The following FIGNL2 variants were observed in gnomAD, a reference collection of about 807,000 sequenced individuals.
The protein encoded by FIGNL2 is fidgetin like 2, also known as fidgetin-like protein 2.
For synonymous variants in FIGNL2, 565 were observed against 484.0 expected, an observed-to-expected ratio of 1.17 and a Z score of -2.20; for missense variants, 1,060 against 950.2, an observed-to-expected ratio of 1.12 and a Z score of -1.52.
chr12:51,836,169 C>T (rs1939575416), intron 1 of FIGNL2, among the ~76,000 whole-genome samples: 1 of 152,146 alleles, frequency 6.6e-6, no homozygotes, highest in Non-Finnish European at 1.5e-5. Context: ...GGAGCTTTCC[C>T]TAGAACCAGG....
In FIGNL2 at chr12:51,838,473, G is replaced by A. The variant is rs139623322; in HGVS notation, c.-12+10067C>T. Among the ~76,000 whole-genome samples, 837 of 152,280 alleles carry A rather than the reference G, an allele frequency of 5.5e-3. 29 individuals are homozygous for A. The highest frequency in any genetic ancestry group is 0.051 in the Admixed American group (783 of 15,294). ...AGGGCAACCTGAAAGACTGACCCAC[G>A]GCTTGCAGGGGTCTCTGAGCCCACT... On this transcript the variant is annotated intron_variant, in intron 1 of 1. Coordinates refer to ENST00000618634, the MANE Select transcript of FIGNL2 (RefSeq NM_001384995.1).
intron 1 of FIGNL2, among the ~76,000 whole-genome samples, chr12:51,826,431 C>G (rs1939344067): frequency 6.6e-6 from 1 of 151,160 alleles, no homozygotes; most frequent in South Asian, 2.1e-4. Flanking sequence ...GAGTTCAAGG[C>G]CAGCCTAGCC....
intron 1 of FIGNL2, among the ~76,000 whole-genome samples, chr12:51,839,120 C>T (rs759287244): frequency 2.7e-5 from 4 of 150,634 alleles, no homozygotes; most frequent in Non-Finnish European, 5.9e-5. Context: ...CATACTCCTG[C>T]TTCAAGTCCC....
rs191605867 is a variant in FIGNL2, at chr12:51,829,518, C to T, written c.-11-7094G>A. Reference sequence around the variant, plus strand: ...ATAGCCTTCAAAACCTGCCTGGGGGCTGCCCTAGAGCTGGCAAGGGGCCTA... The same window carrying T: ...ATAGCCTTCAAAACCTGCCTGGGGGTTGCCCTAGAGCTGGCAAGGGGCCTA... On this transcript the variant is annotated intron_variant, in intron 1 of 1. Transcript: ENST00000618634. Among the ~76,000 whole-genome samples, 195 of 152,314 alleles carry T rather than the reference C, an allele frequency of 1.3e-3. 1 individual carries two copies. The highest frequency in any genetic ancestry group is 4.3e-3 in the African/African-American group (178 of 41,576).
intron 1 of FIGNL2, among the ~76,000 whole-genome samples, chr12:51,828,944 C>T (rs1939399097): frequency 6.6e-6 from 1 of 152,242 alleles, no homozygotes; most frequent in South Asian, 2.1e-4. Context: ...CATCAACACC[C>T]TCCTCCAACC....
At chr12:51,826,770 G>T (rs1939355000) in intron 1 of FIGNL2, among the ~76,000 whole-genome samples, 1 of 152,186 alleles carries the variant, frequency 6.6e-6, no homozygotes, top group Non-Finnish European at 1.5e-5. Context: ...AGCTGCCAAA[G>T]GACCAGCCCC....
intron 1 of FIGNL2, chr12:51,847,358 C>A: frequency 1.0e-6 from 1 of 985,476 alleles, no homozygotes; most frequent in East Asian, 1.1e-4. Flanking sequence ...GCGCCGTAAG[C>A]CCAGAGTTGG....
At chr12:51,847,382 C>T in intron 1 of FIGNL2, 1 of 985,440 alleles carries the variant, frequency 1.0e-6, no homozygotes, top group Non-Finnish European at 1.2e-6. Flanking sequence ...GGAACCGGGT[C>T]CCCACTCCTC....
intron 1 of FIGNL2, among the ~76,000 whole-genome samples, chr12:51,832,934 C>T (rs897946437): frequency 2.6e-5 from 4 of 152,234 alleles, no homozygotes; most frequent in Non-Finnish European, 1.5e-5. Context: ...AGAAACCTTG[C>T]GGTCATCCTT....
At chr12:51,844,760 C>T (rs1939716356) in intron 1 of FIGNL2, 4 of 985,350 alleles carry the variant, frequency 4.1e-6, no homozygotes, top group Non-Finnish European at 3.6e-6. Flanking sequence ...CAGCCTCTCT[C>T]CAAGCCACAT....
Position 51,818,648 on chromosome 12 carries a change from G to C in FIGNL2, c.*1804C>G, listed in dbSNP as rs1056452691. 1 of 152,596 alleles carries C rather than the reference G, an allele frequency of 6.6e-6. No homozygotes were observed. The highest frequency in any genetic ancestry group is 2.4e-5 in the African/African-American group (1 of 41,412). 9.5% of individuals were successfully genotyped at this position (152,596 alleles called of 1,614,324 possible). A position where few individuals can be genotyped will look rare whatever the true frequency, so the allele number is the denominator to read the frequency against. ...CCCAGACACCCTCCCAGCCAGGGGG[G>C]AGGCAGTAGACTCTAGGAAATGCAC... On this transcript the variant is annotated 3_prime_UTR_variant, in exon 2 of 2. Coordinates refer to ENST00000618634, the MANE Select transcript of FIGNL2 (RefSeq NM_001384995.1).
At chr12:51,843,363 C>T (rs1268088154) in intron 1 of FIGNL2, among the ~76,000 whole-genome samples, 1 of 142,536 alleles carries the variant, frequency 7.0e-6, no homozygotes, top group African/African-American at 2.6e-5. Flanking sequence ...ATGGCAAAAC[C>T]CCGTCTCTAC....
rs1349207277 is a variant in FIGNL2 at position 51,821,675 on chromosome 12, G to C, written c.739C>G (p.Pro247Ala). ...APTPLPAPAP[P>A]TAYGFPTAAP... is the part of the protein sequence containing the mutation. ...GCCGTGGGGAAGCCATAGGCGGTGG[G>C]CGGTGCCGGCGCGGGCAGGGGCGTG... The change falls in exon 2 of 2, where the codon CCC (proline) becomes GCC (alanine). Residue 247 changes from proline to alanine, a missense_variant. Transcript: ENST00000618634. The C allele has an allele frequency of 7.2e-6, 10 of 1,391,876 alleles. No individual in the cohort carries two copies. The highest frequency in any genetic ancestry group is 9.2e-6 in the Non-Finnish European group (10 of 1,081,862). The allele number at this position is 1,391,876 out of a possible 1,614,324, so 86.2% of individuals were successfully genotyped here. A position where few individuals can be genotyped will look rare whatever the true frequency, so the allele number is the denominator to read the frequency against.
In FIGNL2 at chr12:51,821,302, T is replaced by C; in HGVS notation, c.1112A>G (p.Asp371Gly). The C allele has an allele frequency of 6.6e-7, 1 of 1,523,864 alleles. No homozygotes were observed. Among genetic ancestry groups the C allele is most frequent in the Non-Finnish European group, 8.8e-7 (1 of 1,141,370 alleles). 94.4% of individuals were successfully genotyped at this position (1,523,864 alleles called of 1,614,324 possible). A position where few individuals can be genotyped will look rare whatever the true frequency, so the allele number is the denominator to read the frequency against. Residue 371 changes from aspartate (D) to glycine (G), a missense_variant, in exon 2 of 2, where the codon GAC (aspartate) becomes GGC (glycine). By Grantham distance (94) the Asp-to-Gly change is moderately conservative. Transcript: ENST00000618634. ...VPSGETPKGV[D>G]PGALELVTSK... ...CGTCACCAGCTCCAGGGCCCCAGGG[T>C]CCACGCCTTTGGGAGTCTCCCCCGA...
At position 51,847,411 on chromosome 12, in the gene FIGNL2, G is replaced by A. The variant is rs368787239; in HGVS notation, c.-12+1129C>T. On this transcript the variant is annotated intron_variant, in intron 1 of 1. Coordinates refer to ENST00000618634, the MANE Select transcript of FIGNL2 (RefSeq NM_001384995.1). ...ACTCCTCGCTGCCGGGCGGAAAGCA[G>A]GAGACCGCTCCGCCGCCACAGCCCG... 4 of 985,346 alleles carry A rather than the reference G, an allele frequency of 4.1e-6. No homozygotes were observed. In the South Asian group the frequency reaches 1.4e-4, roughly 35 times the overall value. The allele number at this position is 985,346 out of a possible 1,614,324, so 61.0% of individuals were successfully genotyped here.
At position 51,818,104 on chromosome 12, in the gene FIGNL2, G is replaced by A. The variant is rs941167022; in HGVS notation, c.*2348C>T. ...GTAGAGGAAGGGGAGAGGCCAGCTC[G>A]GAAGTCACCCTCCCCACTCCCTGCC... is the stretch of plus-strand genomic sequence containing the variant. On this transcript the variant is annotated 3_prime_UTR_variant, in exon 2 of 2. Coordinates refer to ENST00000618634, the MANE Select transcript of FIGNL2 (RefSeq NM_001384995.1). The A allele has an allele frequency of 3.9e-5, 6 of 152,116 alleles. No homozygotes were observed. The highest frequency in any genetic ancestry group is 1.9e-4 in the East Asian group (1 of 5,176). The allele number at this position is 152,116 out of a possible 1,614,324, so 9.4% of individuals were successfully genotyped here. A position where few individuals can be genotyped will look rare whatever the true frequency, so the allele number is the denominator to read the frequency against.
At chr12:51,834,109 TTGGATGGATGGATGGA>T (rs75418518) in intron 1 of FIGNL2, among the ~76,000 whole-genome samples, 4 of 133,902 alleles carry the variant, frequency 3.0e-5, no homozygotes, top group East Asian at 4.6e-4. Flanking sequence ...GGATGGATGG[TTGGATGGATGGATGGA>T]TGGATGGATG....
At chr12:51,824,535 C>T (rs1459243501) in intron 1 of FIGNL2, 2 of 152,236 alleles carry the variant, frequency 1.3e-5, no homozygotes, top group East Asian at 3.8e-4. Context: ...TTGAGGTTGT[C>T]CTGCCCCCAT....
chr12:51,831,403 C>T (rs1423352890), intron 1 of FIGNL2, among the ~76,000 whole-genome samples: 2 of 152,064 alleles, frequency 1.3e-5, no homozygotes, highest in African/African-American at 4.8e-5. Flanking sequence ...GCACCCACTC[C>T]CCACAGCACC....
Sources: gnomAD v4.1 joint callset for allele counts (sites outside exome capture counted in the v4.1 genomes callset) on GRCh38, gnomAD v4.1.1 for gene constraint, MANE v1.5 for transcripts, NCBI Gene and HGNC (gene_info 2026-07-23, HGNC 2026-07-21) for gene names.